The following KLHDC10 variants were observed in gnomAD, a reference collection of about 807,000 sequenced individuals.
KLHDC10 encodes the protein kelch domain containing 10.
Under a neutral mutation model 56.1 loss-of-function variants are expected in KLHDC10, and 24 were observed. That is an observed-to-expected ratio of 0.43 (90% CI 0.31 to 0.60). KLHDC10 has a LOEUF of 0.60. KLHDC10 is among the 20% of genes least tolerant of loss of function. KLHDC10 has a pLI of 0.11. For missense variants in KLHDC10, 349 were observed against 567.0 expected (o/e 0.62, Z 3.91); for synonymous variants, 188 against 207.1 (o/e 0.91, Z 0.79).
In KLHDC10 at chr7:130,130,708, C is replaced by G; in HGVS notation, c.1291C>G (p.Leu431Val). The change falls in exon 10 of 10, where the codon CTT becomes GTT. Residue 431 changes from leucine (L) to valine (V), a missense_variant. Physicochemically the swap from Leu to Val is conservative, Grantham distance 32 (BLOSUM62 1). This residue lies in a region of KLHDC10 where 245 missense variants were observed against 470.1 expected (regional missense o/e 0.52). Coordinates refer to ENST00000335420, the MANE Select transcript of KLHDC10 (RefSeq NM_014997.4). The surrounding 1 kb of genome is among the most constrained non-coding windows in gnomAD (Gnocchi z 4.2). ...CCTCTCCCGAACACAACTTCTGCAC[C>G]TTGGACTCACACAGGGACTCATCGA... ...ANLSRTQLLH[L>V]GLTQGLIERL... 1 of 1,614,160 alleles carries G rather than the reference C, an allele frequency of 6.2e-7. No individual in the cohort carries two copies. Among genetic ancestry groups the G allele is most frequent in the Non-Finnish European group, 8.5e-7 (1 of 1,180,024 alleles).
At chr7:130,086,332 C>T (rs1045205706) in intron 1 of KLHDC10, among the ~76,000 whole-genome samples, 1 of 152,130 alleles carries the variant, frequency 6.6e-6, no homozygotes, top group African/African-American at 2.4e-5. Flanking sequence ...AGTATGATTT[C>T]CTGTGATTGA....
At chr7:130,114,060 A>G (rs1383773467) in intron 2 of KLHDC10, among the ~76,000 whole-genome samples, 2 of 152,204 alleles carry the variant, frequency 1.3e-5, no homozygotes, top group Non-Finnish European at 2.9e-5. Context: ...TGAGAGTTAG[A>G]CACTGTTTTA....
intron 5 of KLHDC10, 151 bp downstream of exon 5, chr7:130,122,353 G>C (rs907651072): frequency 3.0e-6 from 2 of 676,056 alleles, no homozygotes; most frequent in East Asian, 5.9e-5. Context: ...GTAAAGAAAG[G>C]TCTATAGTAA....
At position 130,126,161 on chromosome 7, in the gene KLHDC10, C is replaced by A. The variant is rs913995142; in HGVS notation, c.931+230C>A. On this transcript the variant is annotated intron_variant, in intron 7 of 9. Coordinates refer to ENST00000335420, the MANE Select transcript of KLHDC10 (RefSeq NM_014997.4). ...TGAGACCCTGTGTCTACAAAAAATACAAAAAAATTTGCTGGGCCTGGTGGT... is the reference window on the plus strand; with the variant it reads ...TGAGACCCTGTGTCTACAAAAAATAAAAAAAAATTTGCTGGGCCTGGTGGT... Among the ~76,000 whole-genome samples the A allele has an allele frequency of 2.0e-5, 3 of 151,694 alleles. No individual in the cohort carries two copies. In the South Asian group the frequency reaches 6.2e-4, roughly 31 times the overall value.
chr7:130,106,224 A>G (rs1276477868), intron 2 of KLHDC10, among the ~76,000 whole-genome samples: 6 of 152,208 alleles, frequency 3.9e-5, no homozygotes, highest in Non-Finnish European at 7.3e-5. Flanking sequence ...ATTTAACAAT[A>G]AAAGGAGTTA....
rs1796175715 is a variant in KLHDC10, at chr7:130,116,896, A to G, written c.475+230A>G. 6.6e-6 allele frequency among the ~76,000 whole-genome samples: 1 copy of G among 152,164 alleles called. No individual in the cohort carries two copies. Among genetic ancestry groups the G allele is most frequent in the South Asian group, 2.1e-4 (1 of 4,826 alleles). On this transcript the variant is annotated intron_variant, in intron 3 of 9. Coordinates refer to ENST00000335420, the MANE Select transcript of KLHDC10 (RefSeq NM_014997.4). The surrounding 1 kb of genome is among the most constrained non-coding windows in gnomAD (Gnocchi z 4.8). ...TAGCTTTAATTTCCTAACTTGCAAA[A>G]TGGGATTAATAATATCTTAGAGGGT... is the stretch of plus-strand genomic sequence containing the variant.
At chr7:130,070,846 G>A (rs775849326) in intron 1 of KLHDC10, 37 bp downstream of exon 1, 2 of 1,287,884 alleles carry the variant, frequency 1.6e-6, no homozygotes, top group Non-Finnish European at 2.0e-6. Flanking sequence ...GCTTGCGGGC[G>A]GGAAGGTGAC....
rs1036357505 is a variant in KLHDC10, at chr7:130,130,125, G to A, written c.1120-412G>A. 5.9e-5 allele frequency among the ~76,000 whole-genome samples: 9 copies of A among 151,874 alleles called. No homozygotes were observed. The highest frequency in any genetic ancestry group is 1.9e-4 in the East Asian group (1 of 5,158). Reference sequence around the variant, plus strand: ...AGGTCAGGAGATTGAGACCATCCTGGCTAACACGGATGAAACCCCATCTCT... The same window carrying A: ...AGGTCAGGAGATTGAGACCATCCTGACTAACACGGATGAAACCCCATCTCT... On this transcript the variant is annotated intron_variant, in intron 9 of 9. Coordinates refer to ENST00000335420, the MANE Select transcript of KLHDC10 (RefSeq NM_014997.4). This position sits in a 1 kb window ranked among gnomAD's most constrained non-coding sequence, Gnocchi z 4.2.
At chr7:130,095,915 T>C (rs1291112202) in intron 1 of KLHDC10, among the ~76,000 whole-genome samples, 1 of 152,180 alleles carries the variant, frequency 6.6e-6, no homozygotes, top group East Asian at 1.9e-4. Flanking sequence ...TTCTTCAAAG[T>C]ATTTTGTTAG....
intron 2 of KLHDC10, among the ~76,000 whole-genome samples, chr7:130,106,175 C>T (rs964568155): frequency 1.3e-5 from 2 of 152,034 alleles, no homozygotes; most frequent in African/African-American, 2.4e-5. Context: ...AAATAATAAT[C>T]TGTACATTTA....
At position 130,133,140 on chromosome 7, in the gene KLHDC10, A is replaced by G. The variant is rs1359297184; in HGVS notation, c.*2394A>G. On this transcript the variant is annotated 3_prime_UTR_variant, in exon 10 of 10. Transcript: ENST00000335420. Reference sequence around the variant, plus strand: ...GTAAAAATGACATGGTATGACCAGCACTGAGTGCTATAGAACCACACATGT... The same window carrying G: ...GTAAAAATGACATGGTATGACCAGCGCTGAGTGCTATAGAACCACACATGT... 6.6e-6 allele frequency: 1 copy of G among 152,248 alleles called. No homozygotes were observed. The highest frequency in any genetic ancestry group is 2.4e-5 in the African/African-American group (1 of 41,460). 9.4% of individuals were successfully genotyped at this position (152,248 alleles called of 1,614,324 possible).
chr7:130,081,978 C>T (rs567095775), intron 1 of KLHDC10, among the ~76,000 whole-genome samples: 2 of 152,114 alleles, frequency 1.3e-5, no homozygotes, highest in Non-Finnish European at 2.9e-5. Flanking sequence ...CACCCCCTAC[C>T]ACAGCCACTA....
rs1423137516 is a variant in KLHDC10 at position 130,122,086 on chromosome 7, C to G, written c.663C>G (p.Val221=). 1.2e-6 allele frequency: 2 copies of G among 1,613,930 alleles called. No homozygotes were observed. The highest frequency in any genetic ancestry group is 2.2e-5 in the South Asian group (2 of 91,046). ...CCATCATCAATGGCTCCCTTTATGT[C>G]TTTGGAGGTACAACCGGCTATATTT... is the stretch of plus-strand genomic sequence containing the variant. The part of the protein sequence containing the change: ...AMAIINGSLY[V]FGGTTGYIYS... Residue 221 remains valine, a synonymous_variant, in exon 5 of 10, where the codon GTC becomes GTG. Coordinates refer to ENST00000335420, the MANE Select transcript of KLHDC10 (RefSeq NM_014997.4).
intron 1 of KLHDC10, among the ~76,000 whole-genome samples, chr7:130,091,825 A>T (rs1795777251): frequency 6.6e-6 from 1 of 152,032 alleles, no homozygotes; most frequent in Admixed American, 6.6e-5. Flanking sequence ...TCTTGCATTA[A>T]TTTTTTAAAA....
At chr7:130,111,433 G>A (rs1312086794) in intron 2 of KLHDC10, among the ~76,000 whole-genome samples, 1 of 152,144 alleles carries the variant, frequency 6.6e-6, no homozygotes, top group Non-Finnish European at 1.5e-5. Flanking sequence ...GCCAGGCAAG[G>A]TGGCTTATGC....
In KLHDC10 at chr7:130,107,877, G is replaced by A. The variant is rs544272881; in HGVS notation, c.254-8568G>A. The stretch of plus-strand genomic sequence containing the variant: ...AAAAAAAAAAAAAAAAGAGCCGGAC[G>A]CGGTGGCCCGTACCGTAGTCCCAGC... On this transcript the variant is annotated intron_variant, in intron 2 of 9. Coordinates refer to ENST00000335420, the MANE Select transcript of KLHDC10 (RefSeq NM_014997.4). 1.1e-3 allele frequency among the ~76,000 whole-genome samples: 141 copies of A among 123,526 alleles called. 1 individual carries two copies. The highest frequency in any genetic ancestry group is 3.9e-3 in the African/African-American group (128 of 32,464). The allele number at this position is 123,526 out of a possible 152,430, so 81.0% of individuals were successfully genotyped here.
intron 1 of KLHDC10, among the ~76,000 whole-genome samples, chr7:130,088,496 G>A (rs1349895087): frequency 6.6e-6 from 1 of 151,746 alleles, no homozygotes; most frequent in Non-Finnish European, 1.5e-5. Context: ...GGCTGGTCTC[G>A]AACTCCTGAC....
At chr7:130,115,805 C>A (rs1376676796) in intron 2 of KLHDC10, among the ~76,000 whole-genome samples, 1 of 151,298 alleles carries the variant, frequency 6.6e-6, no homozygotes, top group East Asian at 1.9e-4. Context: ...TAGTAAAGCT[C>A]TTAATAGGAT....
chr7:130,125,757 C>A, intron 6 of KLHDC10, 108 bp from the exon 7 acceptor site: 1 of 861,334 alleles, frequency 1.2e-6, no homozygotes, highest in Non-Finnish European at 1.8e-6. Context: ...TTGCTGTGAA[C>A]TGAAAACTGC....
Sources: allele counts gnomAD v4.1 joint callset (sites outside exome capture counted in the v4.1 genomes callset), GRCh38; gene constraint gnomAD v4.1.1; regional missense constraint gnomAD v4.1.1; non-coding constraint Gnocchi (gnomAD v3.1); transcripts MANE v1.5; gene names NCBI Gene and HGNC (gene_info 2026-07-23, HGNC 2026-07-21).